CERS6: variants seen among roughly 807,000 people sequenced by gnomAD.
CERS6 encodes ceramide synthase 6.
CERS6 carries 26 observed loss-of-function variants against 56.8 expected under a neutral mutation model. That is an observed-to-expected ratio of 0.46 (90% CI 0.34 to 0.63). The LOEUF is 0.63. Ranked by LOEUF, CERS6 falls within the 30% of genes least tolerant of loss-of-function variation. The pLI is 0.01. For missense variants in CERS6, 415 were observed against 467.5 expected (o/e 0.89, Z 1.04); for synonymous variants, 164 against 173.3 (o/e 0.95, Z 0.42).
chr2:168,494,046 G>A lies in CERS6; in HGVS notation c.170+37428G>A, dbSNP rs140340231. On this transcript the variant is annotated intron_variant, in intron 1 of 9. Transcript: ENST00000305747. ...TCCTTTCTACAATGGAATATTATTC[G>A]TTATTTTCCAGTGTTGTAGGAGGAA... 1.2e-3 allele frequency among the ~76,000 whole-genome samples: 180 copies of A among 152,120 alleles called. 3 individuals are homozygous for A. The East Asian group carries it at 0.027, about 23-fold the overall frequency.
intron 1 of CERS6, among the ~76,000 whole-genome samples, chr2:168,531,938 A>G (rs766794351): frequency 5.3e-4 from 80 of 152,320 alleles, no homozygotes; most frequent in Middle Eastern, 6.8e-3. Flanking sequence ...ATATTTTCCA[A>G]ATTTGGGCTC....
intron 4 of CERS6, among the ~76,000 whole-genome samples, chr2:168,669,808 A>G (rs1240672748): frequency 6.6e-6 from 1 of 152,258 alleles, no homozygotes; most frequent in African/African-American, 2.4e-5. Flanking sequence ...AGATTGTCAT[A>G]AGAACTCATA....
At chr2:168,575,962 A>G (rs1345724972) in intron 3 of CERS6, among the ~76,000 whole-genome samples, 1 of 152,154 alleles carries the variant, frequency 6.6e-6, no homozygotes, top group Non-Finnish European at 1.5e-5. Flanking sequence ...CAGGAATGGT[A>G]CTTAGTGTCT....
chr2:168,769,884 CA>C lies in CERS6; in HGVS notation c.*223del. 1.9e-6 allele frequency: 1 copy of C among 534,390 alleles called. No individual in the cohort carries two copies. Among genetic ancestry groups the C allele is most frequent in the Non-Finnish European group, 3.2e-6 (1 of 308,194 alleles). The allele number at this position is 534,390 out of a possible 1,614,324, so 33.1% of individuals were successfully genotyped here. A position where few individuals can be genotyped will look rare whatever the true frequency, so the allele number is the denominator to read the frequency against. On this transcript the variant is annotated 3_prime_UTR_variant, in exon 10 of 10. Transcript: ENST00000305747. ...GCTGTATGTAATTGACACAAGGGAA[CA>C]GTATTTGCATTTGTACTGTCTTAGA...
At chr2:168,654,233 G>A (rs1293339896) in intron 4 of CERS6, among the ~76,000 whole-genome samples, 1 of 152,172 alleles carries the variant, frequency 6.6e-6, no homozygotes, top group East Asian at 1.9e-4. Context: ...GGGCCTGTGA[G>A]CTGACTGTAT....
chr2:168,518,547 C>T (rs1694923060), intron 1 of CERS6, among the ~76,000 whole-genome samples: 1 of 152,122 alleles, frequency 6.6e-6, no homozygotes, highest in Non-Finnish European at 1.5e-5. Context: ...GCCTCTCCTT[C>T]CTCCCACTCC....
intron 8 of CERS6, among the ~76,000 whole-genome samples, chr2:168,758,455 C>T (rs1333480245): frequency 2.0e-5 from 3 of 152,260 alleles, no homozygotes; most frequent in East Asian, 3.9e-4. Flanking sequence ...ATTCCAAAAA[C>T]ATACAACCCA....
chr2:168,556,991 C>CAAAA lies in CERS6; in HGVS notation c.277-4174_277-4171dup, dbSNP rs71003046. Among the ~76,000 whole-genome samples the CAAAA allele has an allele frequency of 1.9e-4, 16 of 82,300 alleles. 2 individuals carry two copies. Among genetic ancestry groups the CAAAA allele is most frequent in the East Asian group, 5.5e-4 (1 of 1,830 alleles). 54.0% of individuals were successfully genotyped at this position (82,300 alleles called of 152,430 possible). On this transcript the variant is annotated intron_variant, in intron 2 of 9. Transcript: ENST00000305747. ...GCAACATGGTGAAACCTTGTCTCTACAAAAAAAAAAAAAAAAAAAAAAAAA... is the reference window on the plus strand; with the variant it reads ...GCAACATGGTGAAACCTTGTCTCTACAAAAAAAAAAAAAAAAAAAAAAAAAAAAA...
rs115853370 is a variant in CERS6 at position 168,755,009 on chromosome 2, G to A, written c.846-10583G>A. Among the ~76,000 whole-genome samples the A allele has an allele frequency of 5.6e-3, 847 of 152,264 alleles. 14 individuals are homozygous for A. The highest frequency in any genetic ancestry group is 0.02 in the African/African-American group (827 of 41,552). On this transcript the variant is annotated intron_variant, in intron 8 of 9. Coordinates refer to ENST00000305747, the MANE Select transcript of CERS6 (RefSeq NM_203463.3). ...GGTGTTCTTGAACTCCTAGGCTCACGCGATCCCACCTCAGCCTCCCAAAGC... is the reference window on the plus strand; with the variant it reads ...GGTGTTCTTGAACTCCTAGGCTCACACGATCCCACCTCAGCCTCCCAAAGC...
chr2:168,607,125 ATTTTACATTTTTAAATGGT>A (rs1574096298), intron 3 of CERS6, among the ~76,000 whole-genome samples: 2 of 152,036 alleles, frequency 1.3e-5, no homozygotes, highest in East Asian at 3.9e-4. Context: ...AAATGGTTAT[ATTTTACATTTTTAAATGGT>A]TTTTACATTT....
intron 3 of CERS6, among the ~76,000 whole-genome samples, chr2:168,604,549 A>G (rs563461185): frequency 1.1e-4 from 17 of 152,292 alleles, no homozygotes; most frequent in African/African-American, 3.4e-4. Flanking sequence ...GTAATTCTCA[A>G]TGCTGGAAGT....
intron 3 of CERS6, among the ~76,000 whole-genome samples, chr2:168,596,896 T>G (rs1416997263): frequency 6.6e-6 from 1 of 152,200 alleles, no homozygotes; most frequent in Non-Finnish European, 1.5e-5. Flanking sequence ...TTCATGAAAC[T>G]TTTTGTTTGC....
At chr2:168,459,732 A>C (rs932964845) in intron 1 of CERS6, among the ~76,000 whole-genome samples, 1 of 152,198 alleles carries the variant, frequency 6.6e-6, no homozygotes, top group Non-Finnish European at 1.5e-5. Context: ...GTTATTTATT[A>C]ATAATATAGC....
chr2:168,631,383 T>TATATATATTATATA (rs1305602958), intron 4 of CERS6, among the ~76,000 whole-genome samples: 3 of 136,650 alleles, frequency 2.2e-5, no homozygotes, highest in African/African-American at 8.1e-5. Context: ...TAGAAATAAC[T>TATATATATTATATA]ATATATATTA....
At position 168,757,679 on chromosome 2, in the gene CERS6, C is replaced by T. The variant is rs146496002; in HGVS notation, c.846-7913C>T. 4.7e-3 allele frequency among the ~76,000 whole-genome samples: 714 copies of T among 152,184 alleles called. 6 individuals carry two copies. The highest frequency in any genetic ancestry group is 0.016 in the African/African-American group (662 of 41,510). On this transcript the variant is annotated intron_variant, in intron 8 of 9. Transcript: ENST00000305747. ...GGAGAATCACTTGAGCTCAGGAGTG[C>T]AAGACCAGCCTGGGCAACTTAGTGA...
chr2:168,672,240 C>T (rs998208552), intron 4 of CERS6, among the ~76,000 whole-genome samples: 1 of 152,180 alleles, frequency 6.6e-6, no homozygotes, highest in Admixed American at 6.5e-5. Flanking sequence ...AACTTCATGT[C>T]CTTTTCCAAC....
At chr2:168,739,997 A>C (rs892528864) in intron 8 of CERS6, among the ~76,000 whole-genome samples, 6 of 152,186 alleles carry the variant, frequency 3.9e-5, no homozygotes, top group African/African-American at 1.4e-4. Flanking sequence ...CACTGCGCCC[A>C]GCCTGGAAAG....
chr2:168,560,445 G>C (rs921299984), intron 2 of CERS6, among the ~76,000 whole-genome samples: 1 of 152,188 alleles, frequency 6.6e-6, no homozygotes, highest in African/African-American at 2.4e-5. Context: ...TGAGGAAACT[G>C]AGGCTCAGAG....
chr2:168,727,248 C>T (rs562230737), intron 8 of CERS6, among the ~76,000 whole-genome samples: 2 of 128,202 alleles, frequency 1.6e-5, no homozygotes, highest in East Asian at 4.1e-4. Flanking sequence ...AAGATTTCTA[C>T]AATTAAAAAA....
Sources: gnomAD v4.1 joint callset for allele counts (sites outside exome capture counted in the v4.1 genomes callset) on GRCh38, gnomAD v4.1.1 for gene constraint, MANE v1.5 for transcripts, NCBI Gene and HGNC (gene_info 2026-07-23, HGNC 2026-07-21) for gene names.